Variants in FAM222A observed in about 807,000 individuals in gnomAD.
The protein encoded by FAM222A is family with sequence similarity 222 member A.
A neutral mutation model predicts 25.8 loss-of-function variants in FAM222A; 7 were observed. The observed-to-expected ratio is 0.27, with a 90% confidence interval of 0.15 to 0.51. The LOEUF is 0.51. Among genes scored for constraint, FAM222A ranks in the 20% least tolerant of loss-of-function variants. The pLI, the probability that FAM222A is intolerant of heterozygous loss-of-function variation, is 0.97. For missense variants in FAM222A, 573 were observed against 640.5 expected (o/e 0.89, Z 1.14); for synonymous variants, 294 against 298.8 (o/e 0.98, Z 0.17).
chr12:109,744,418 G>A, intron 2 of FAM222A, 190 bp downstream of exon 2: 1 of 985,440 alleles, frequency 1.0e-6, no homozygotes, highest in African/African-American at 1.7e-5. Context: ...CCTTTGGCCA[G>A]CTCCTGTGGA....
intron 1 of FAM222A, among the ~76,000 whole-genome samples, chr12:109,726,777 A>G (rs1887851531): frequency 6.6e-6 from 1 of 152,016 alleles, no homozygotes; most frequent in African/African-American, 2.4e-5. Context: ...CCAGGGTGGG[A>G]CTTAGGAGGG....
At chr12:109,747,543 G>A (rs1007202511) in intron 2 of FAM222A, among the ~76,000 whole-genome samples, 4 of 152,094 alleles carry the variant, frequency 2.6e-5, no homozygotes, top group African/African-American at 7.2e-5. Context: ...TGCTTCTACC[G>A]GGATTGCATT....
chr12:109,749,084 G>A (rs912897331), intron 2 of FAM222A, among the ~76,000 whole-genome samples: 1 of 152,072 alleles, frequency 6.6e-6, no homozygotes, highest in East Asian at 1.9e-4. Flanking sequence ...ACAAATAGTA[G>A]GTGTTTTGTG....
chr12:109,740,298 C>T (rs749850886), intron 1 of FAM222A, among the ~76,000 whole-genome samples: 13 of 152,198 alleles, frequency 8.5e-5, no homozygotes, highest in Non-Finnish European at 1.5e-4. Flanking sequence ...CGAGATAAGG[C>T]GTCTTATCAG....
chr12:109,725,327 CTG>C (rs770202077), intron 1 of FAM222A, among the ~76,000 whole-genome samples: 1 of 152,174 alleles, frequency 6.6e-6, no homozygotes, highest in Non-Finnish European at 1.5e-5. Flanking sequence ...GATGAGTAAA[CTG>C]AGGCTCAGAG....
rs1204565635 is a variant in FAM222A at position 109,769,207 on chromosome 12, G to A, written c.1278G>A (p.Leu426=). Residue 426 remains leucine, a synonymous_variant, in exon 3 of 3, where the codon CTG becomes CTA. Transcript: ENST00000538780. ...IRPPCIKEQM[L]GKGYETVAVP... is the part of the protein sequence containing the mutation. ...CGCCCTGCATCAAGGAGCAGATGCT[G>A]GGCAAGGGCTATGAGACGGTGGCCG... 5 of 1,612,178 alleles carry A rather than the reference G, an allele frequency of 3.1e-6. No homozygotes were observed. In the South Asian group the frequency reaches 5.5e-5, roughly 18 times the overall value.
At position 109,747,378 on chromosome 12, in the gene FAM222A, A is replaced by G. The variant is rs1355740743; in HGVS notation, c.82+3150A>G. Among the ~76,000 whole-genome samples the G allele has an allele frequency of 2.6e-5, 4 of 152,190 alleles. No individual in the cohort carries two copies. In the East Asian group the frequency reaches 7.7e-4, roughly 29 times the overall value. The stretch of plus-strand genomic sequence containing the variant: ...CCAAAGTGGTAGGATTACAGTCATG[A>G]GCCACCGTGCCCAGCCCTATAGTAC... On this transcript the variant is annotated intron_variant, in intron 2 of 2. Coordinates refer to ENST00000538780, the MANE Select transcript of FAM222A (RefSeq NM_032829.3).
At chr12:109,732,013 C>T (rs1486308539) in intron 1 of FAM222A, among the ~76,000 whole-genome samples, 1 of 152,160 alleles carries the variant, frequency 6.6e-6, no homozygotes. Context: ...GCAAGCCACA[C>T]CATCTGTGGA....
chr12:109,768,972 C>G lies in FAM222A; in HGVS notation c.1043C>G (p.Pro348Arg). 6.4e-7 allele frequency: 1 copy of G among 1,571,644 alleles called. No homozygotes were observed. The highest frequency in any genetic ancestry group is 8.6e-7 in the Non-Finnish European group (1 of 1,163,348). Reference protein sequence around the residue: ...SFTVGQYFAAPWNSVLVTPTS... With the variant: ...SFTVGQYFAARWNSVLVTPTS... ...ACCGTAGGCCAGTACTTTGCGGCCC[C>G]GTGGAACAGTGTGCTGGTGACACCC... The change falls in exon 3 of 3, where the codon CCG (proline) becomes CGG (arginine). Residue 348 changes from proline (P) to arginine (R), a missense_variant. By Grantham distance (103) the Pro-to-Arg change is moderately radical (BLOSUM62 -2). Transcript: ENST00000538780.
chr12:109,730,668 G>A (rs796730598), intron 1 of FAM222A, among the ~76,000 whole-genome samples: 31 of 152,320 alleles, frequency 2.0e-4, no homozygotes, highest in African/African-American at 6.3e-4. Context: ...CATCTTTGCC[G>A]TGTTTGGTTT....
intron 1 of FAM222A, among the ~76,000 whole-genome samples, chr12:109,732,081 G>C (rs567190678): frequency 4.9e-4 from 75 of 152,246 alleles, no homozygotes; most frequent in African/African-American, 1.6e-3. Context: ...TTTGTTACTC[G>C]GTGGTTGAGA....
rs1393970320 is a variant in FAM222A, at chr12:109,718,398, C to T, written c.-47+3501C>T. Among the ~76,000 whole-genome samples the T allele has an allele frequency of 3.9e-5, 6 of 151,934 alleles. No individual in the cohort carries two copies. In the East Asian group the frequency reaches 1.2e-3, roughly 29 times the overall value. Reference sequence around the variant, plus strand: ...GGGTCCCTCCCCAACCTCCCTCCAGCCCCCTCTGCCTTCCCATCCCTCACA... The same window carrying T: ...GGGTCCCTCCCCAACCTCCCTCCAGTCCCCTCTGCCTTCCCATCCCTCACA... On this transcript the variant is annotated intron_variant, in intron 1 of 2. Transcript: ENST00000538780.
intron 1 of FAM222A, among the ~76,000 whole-genome samples, chr12:109,729,731 G>A (rs1887909434): frequency 1.3e-5 from 2 of 152,262 alleles, no homozygotes; most frequent in African/African-American, 4.8e-5. Context: ...CACCCACCTG[G>A]ACCAAAATAC....
chr12:109,738,456 G>C (rs7973101), intron 1 of FAM222A, among the ~76,000 whole-genome samples: 3 of 152,058 alleles, frequency 2.0e-5, no homozygotes, highest in Non-Finnish European at 2.9e-5. Context: ...GCCAGGCAGC[G>C]TGAAGAGACT....
intron 1 of FAM222A, among the ~76,000 whole-genome samples, chr12:109,732,982 A>G (rs1401595031): frequency 6.6e-6 from 1 of 152,232 alleles, no homozygotes; most frequent in Non-Finnish European, 1.5e-5. Flanking sequence ...TGACAATGAA[A>G]GAACTGCTGT....
chr12:109,727,062 C>G (rs781377675), intron 1 of FAM222A, among the ~76,000 whole-genome samples: 1 of 152,152 alleles, frequency 6.6e-6, no homozygotes, highest in Admixed American at 6.5e-5. Context: ...GTTCCCAAGT[C>G]TCTTGTGCCC....
At chr12:109,721,441 C>A (rs185552036) in intron 1 of FAM222A, among the ~76,000 whole-genome samples, 6 of 152,178 alleles carry the variant, frequency 3.9e-5, no homozygotes, top group Non-Finnish European at 8.8e-5. Context: ...TGCCTTATGC[C>A]GCTGTGCCCT....
intron 1 of FAM222A, chr12:109,720,297 A>C: frequency 1.7e-6 from 1 of 591,470 alleles, no homozygotes; most frequent in Non-Finnish European, 2.1e-6. Flanking sequence ...ATGGGGACTT[A>C]ATGACGCAGA....
Position 109,769,105 on chromosome 12 carries a change from C to T in FAM222A, c.1176C>T (p.Pro392=). 1 of 1,610,394 alleles carries T rather than the reference C, an allele frequency of 6.2e-7. No individual in the cohort carries two copies. The highest frequency in any genetic ancestry group is 1.3e-5 in the African/African-American group (1 of 75,008). Reference sequence around the variant, plus strand: ...CTGCAGATGCCCTCTCGGGCCTGCCCAGCAAGAGTGTGTGCAACACATCGG... The same window carrying T: ...CTGCAGATGCCCTCTCGGGCCTGCCTAGCAAGAGTGTGTGCAACACATCGG... ...GPPADALSGL[P]SKSVCNTSVL... Residue 392 remains proline, a synonymous_variant, in exon 3 of 3, where the codon CCC becomes CCT. Coordinates refer to ENST00000538780, the MANE Select transcript of FAM222A (RefSeq NM_032829.3).
Sources: allele counts gnomAD v4.1 joint callset (sites outside exome capture counted in the v4.1 genomes callset), GRCh38; gene constraint gnomAD v4.1.1; transcripts MANE v1.5; gene names NCBI Gene and HGNC (gene_info 2026-07-23, HGNC 2026-07-21).